The following TUBGCP3 variants were observed in gnomAD, a reference collection of about 807,000 sequenced individuals.
TUBGCP3 encodes tubulin gamma complex component 3, also known as gamma-tubulin complex component 3.
A neutral mutation model predicts 123.1 loss-of-function variants in TUBGCP3; 50 were observed. That is an observed-to-expected ratio of 0.41 (90% CI 0.32 to 0.51). TUBGCP3 has a LOEUF of 0.51. TUBGCP3 is among the 20% of genes least tolerant of loss of function. The pLI is 0.36. For missense variants in TUBGCP3, 882 were observed against 1,127.0 expected, an observed-to-expected ratio of 0.78 and a Z score of 3.11; for synonymous variants, 405 against 413.9, an observed-to-expected ratio of 0.98 and a Z score of 0.26.
chr13:112,503,183 T>G (rs1210777514), intron 19 of TUBGCP3, among the ~76,000 whole-genome samples: 1 of 152,170 alleles, frequency 6.6e-6, no homozygotes, highest in Non-Finnish European at 1.5e-5. Context: ...ATTTGCCCCC[T>G]ACTTCACAAT....
At chr13:112,516,665 T>C in intron 16 of TUBGCP3, 90 bp from the exon 17 acceptor site, 1 of 1,415,826 alleles carries the variant, frequency 7.1e-7, no homozygotes, top group South Asian at 1.5e-5. Flanking sequence ...AAGGTACATT[T>C]TAGCAAACTA....
intron 11 of TUBGCP3, chr13:112,544,511 G>A (rs886668669): frequency 5.2e-5 from 7 of 134,932 alleles, no homozygotes; most frequent in African/African-American, 2.0e-4. Context: ...CCACCTCCCA[G>A]AACCCACGTT....
At chr13:112,522,110 G>A (rs1594138708) in intron 14 of TUBGCP3, among the ~76,000 whole-genome samples, 2 of 152,256 alleles carry the variant, frequency 1.3e-5, no homozygotes, top group African/African-American at 2.4e-5. Flanking sequence ...ATAAAGCACA[G>A]AACATGACAA....
chr13:112,590,042 G>A (rs1307880628), upstream of TUBGCP3, among the ~76,000 whole-genome samples: 1 of 151,422 alleles, frequency 6.6e-6, no homozygotes, highest in Non-Finnish European at 1.5e-5. Context: ...GCCCAGGCTG[G>A]AGTGCAATGG....
intron 3 of TUBGCP3, among the ~76,000 whole-genome samples, chr13:112,561,315 C>A (rs9577802): frequency 6.6e-6 from 1 of 152,116 alleles, no homozygotes; most frequent in Non-Finnish European, 1.5e-5. Context: ...GACCAAGGAG[C>A]CAAGCTGCTG....
At position 112,565,665 on chromosome 13, in the gene TUBGCP3, T is replaced by C. The variant is rs188485628; in HGVS notation, c.185-487A>G. Reference sequence around the variant, plus strand: ...AAGATACACAGCAGGCTGGGCGCGGTGGCTCACGCCTGTAATCCCAGCACT... The same window carrying C: ...AAGATACACAGCAGGCTGGGCGCGGCGGCTCACGCCTGTAATCCCAGCACT... On this transcript the variant is annotated intron_variant, in intron 2 of 21. Transcript: ENST00000261965. Among the ~76,000 whole-genome samples the C allele has an allele frequency of 7.2e-5, 11 of 152,338 alleles. No homozygotes were observed. The South Asian group carries it at 1.9e-3, about 26-fold the overall frequency.
At chr13:112,563,191 C>A (rs1411249585) in intron 3 of TUBGCP3, among the ~76,000 whole-genome samples, 1 of 152,206 alleles carries the variant, frequency 6.6e-6, no homozygotes, top group East Asian at 1.9e-4. Flanking sequence ...GGTCTACCAA[C>A]AACAAGAGCA....
chr13:112,517,626 C>T (rs1876258699), intron 16 of TUBGCP3, among the ~76,000 whole-genome samples: 1 of 152,210 alleles, frequency 6.6e-6, no homozygotes, highest in South Asian at 2.1e-4. Flanking sequence ...GGCACGGTGG[C>T]TCATGCCTAT....
At chr13:112,500,843 T>A (rs565599413) in intron 19 of TUBGCP3, among the ~76,000 whole-genome samples, 2 of 152,360 alleles carry the variant, frequency 1.3e-5, no homozygotes, top group South Asian at 2.1e-4. Context: ...ATATTTTCCG[T>A]TATGAAAGCA....
chr13:112,555,436 C>G (rs1488494164), intron 6 of TUBGCP3, among the ~76,000 whole-genome samples: 1 of 152,176 alleles, frequency 6.6e-6, no homozygotes, highest in African/African-American at 2.4e-5. Context: ...AGATTACGAG[C>G]CAACAGGGAA....
chr13:112,529,599 G>T (rs1479531630), intron 11 of TUBGCP3, among the ~76,000 whole-genome samples: 1 of 152,176 alleles, frequency 6.6e-6, no homozygotes, highest in Non-Finnish European at 1.5e-5. Context: ...GACCCCAGTG[G>T]TCTGCCCTAC....
At chr13:112,580,166 G>T (rs530515247) in intron 1 of TUBGCP3, among the ~76,000 whole-genome samples, 127 of 152,284 alleles carry the variant, frequency 8.3e-4, no homozygotes, top group African/African-American at 3.0e-3. Context: ...CAGCACAAAG[G>T]CAAAATGGTA....
chr13:112,581,897 T>C (rs909531649), intron 1 of TUBGCP3, among the ~76,000 whole-genome samples: 7 of 152,196 alleles, frequency 4.6e-5, no homozygotes, highest in Non-Finnish European at 1.0e-4. Flanking sequence ...ACCTCCTCAC[T>C]TTCTCTGCAC....
intron 3 of TUBGCP3, among the ~76,000 whole-genome samples, chr13:112,564,818 C>T (rs1028756185): frequency 1.3e-5 from 2 of 152,186 alleles, no homozygotes; most frequent in African/African-American, 4.8e-5. Context: ...AAGACTTCTA[C>T]CAATGTGCTT....
chr13:112,550,363 T>C (rs1004890576), intron 8 of TUBGCP3, among the ~76,000 whole-genome samples: 1 of 152,210 alleles, frequency 6.6e-6, no homozygotes, highest in Non-Finnish European at 1.5e-5. Context: ...TTACTGCATT[T>C]ATGGTTTGTG....
chr13:112,512,021 T>C (rs1439808759), intron 17 of TUBGCP3, among the ~76,000 whole-genome samples: 2 of 152,244 alleles, frequency 1.3e-5, no homozygotes, highest in African/African-American at 4.8e-5. Context: ...CTGTAACTTA[T>C]TATCATTACA....
intron 8 of TUBGCP3, 109 bp downstream of exon 8, chr13:112,553,948 T>C (rs1323838607): frequency 1.3e-6 from 2 of 1,508,396 alleles, no homozygotes; most frequent in African/African-American, 1.4e-5. Flanking sequence ...TCAAAGCTGC[T>C]TTACTTGGAA....
intron 11 of TUBGCP3, among the ~76,000 whole-genome samples, chr13:112,541,504 T>C (rs530347299): frequency 1.4e-5 from 2 of 144,150 alleles, no homozygotes; most frequent in East Asian, 2.0e-4. Context: ...ATGATACCAC[T>C]GCATTCCAGC....
At chr13:112,577,267 C>T (rs1371405429) in intron 1 of TUBGCP3, among the ~76,000 whole-genome samples, 1 of 152,102 alleles carries the variant, frequency 6.6e-6, no homozygotes, top group Non-Finnish European at 1.5e-5. Context: ...GCACACACAC[C>T]TTAGCCAAGC....
Sources: gnomAD v4.1 joint callset for allele counts (sites outside exome capture counted in the v4.1 genomes callset) on GRCh38, gnomAD v4.1.1 for gene constraint, MANE v1.5 for transcripts, NCBI Gene and HGNC (gene_info 2026-07-23, HGNC 2026-07-21) for gene names.